The following SOD1 variants were observed in gnomAD, a reference collection of about 807,000 sequenced individuals.
The protein encoded by SOD1 is superoxide dismutase [Cu-Zn].
Under a neutral mutation model 15.9 loss-of-function variants are expected in SOD1, and 8 were observed. The observed-to-expected ratio is 0.50, with a 90% CI of 0.30 to 0.91. The LOEUF is 0.91. SOD1 is among the 40% of genes least tolerant of loss of function. SOD1 has a pLI of 0.07. For synonymous variants in SOD1, 86 were observed against 71.2 expected, an observed-to-expected ratio of 1.21 and a Z score of -1.04; for missense variants, 137 against 194.5, an observed-to-expected ratio of 0.70 and a Z score of 1.76.
Position 31,659,758 on chromosome 21 carries a change from G to A in SOD1, c.-12G>A. On this transcript the variant is annotated 5_prime_UTR_variant, in exon 1 of 5. Coordinates refer to ENST00000270142, the MANE Select transcript of SOD1 (RefSeq NM_000454.5). ...TCCTCGGAACCAGGACCTCGGCGTGGCCTAGCGAGTTATGGCGACGAAGGC... is the reference window on the plus strand; with the variant it reads ...TCCTCGGAACCAGGACCTCGGCGTGACCTAGCGAGTTATGGCGACGAAGGC... 6.2e-7 allele frequency: 1 copy of A among 1,613,830 alleles called. No individual in the cohort carries two copies. The highest frequency in any genetic ancestry group is 8.5e-7 in the Non-Finnish European group (1 of 1,179,848).
intron 3 of SOD1, 58 bp from the exon 4 acceptor site, chr21:31,667,200 A>G: frequency 7.5e-7 from 1 of 1,339,364 alleles, no homozygotes; most frequent in South Asian, 1.2e-5. Context: ...TAGCTCATGA[A>G]CTACCTTGAT....
intron 3 of SOD1, 74 bp downstream of exon 3, chr21:31,666,592 T>C (rs1419902553): frequency 1.8e-6 from 2 of 1,098,104 alleles, no homozygotes; most frequent in Non-Finnish European, 2.8e-6. Context: ...CTTGTAAATA[T>C]GTGCTAAGAT....
chr21:31,659,700 A>C lies in SOD1; in HGVS notation c.-70A>C. 6.6e-7 allele frequency: 1 copy of C among 1,507,720 alleles called. No homozygotes were observed. 93.4% of individuals were successfully genotyped at this position (1,507,720 alleles called of 1,614,324 possible). On this transcript the variant is annotated 5_prime_UTR_variant, in exon 1 of 5. Transcript: ENST00000270142. ...GAGACGGGGTGCTGGTTTGCGTCGT[A>C]GTCTCCTGCAGCGTCTGGGGTTTCC...
intron 1 of SOD1, among the ~76,000 whole-genome samples, chr21:31,662,395 A>AAAT (rs2049555573): frequency 6.6e-6 from 1 of 152,166 alleles, no homozygotes; most frequent in Non-Finnish European, 1.5e-5. Flanking sequence ...AATGCCCCTT[A>AAAT]ACTGTTGGCC....
chr21:31,667,060 A>G (rs2049599791), intron 3 of SOD1, 198 bp from the exon 4 acceptor site: 2 of 617,456 alleles, frequency 3.2e-6, no homozygotes, highest in South Asian at 3.7e-5. Flanking sequence ...GGTACTTCTG[A>G]AATCAGGTGC....
chr21:31,661,030 A>G (rs1406952639), intron 1 of SOD1, among the ~76,000 whole-genome samples: 3 of 152,242 alleles, frequency 2.0e-5, no homozygotes, highest in Non-Finnish European at 4.4e-5. Flanking sequence ...GTTGCAAGGA[A>G]GGTGCTTGTG....
Position 31,667,244 on chromosome 21 carries a change from T to C in SOD1, c.240-14T>C, listed in dbSNP as rs571699772. 11 of 1,597,836 alleles carry C rather than the reference T, an allele frequency of 6.9e-6. No homozygotes were observed. In the South Asian group the frequency reaches 1.2e-4, roughly 18 times the overall value. Reference sequence around the variant, plus strand: ...GCATCAGCCCTAATCCATCTGATGCTTTTTCATTATTAGGCATGTTGGAGA... The same window carrying C: ...GCATCAGCCCTAATCCATCTGATGCCTTTTCATTATTAGGCATGTTGGAGA... On this transcript the variant is annotated splice_polypyrimidine_tract_variant and intron_variant, in intron 3 of 4. Transcript: ENST00000270142.
At chr21:31,667,629 CAGA>C (rs1274932823) in intron 4 of SOD1, among the ~76,000 whole-genome samples, 2 of 152,198 alleles carry the variant, frequency 1.3e-5, no homozygotes, top group Non-Finnish European at 2.9e-5. Context: ...GTTTGGAAAA[CAGA>C]AGTAGTCTTT....
At chr21:31,661,932 A>G (rs146827826) in intron 1 of SOD1, among the ~76,000 whole-genome samples, 1 of 152,340 alleles carries the variant, frequency 6.6e-6, no homozygotes, top group South Asian at 2.1e-4. Flanking sequence ...ACTCTTTGCT[A>G]GTTTTTACAG....
At chr21:31,667,726 A>G (rs1246075203) in intron 4 of SOD1, among the ~76,000 whole-genome samples, 1 of 152,192 alleles carries the variant, frequency 6.6e-6, no homozygotes, top group African/African-American at 2.4e-5. Context: ...AAAACCTGGG[A>G]TGGACTTAAG....
At position 31,659,748 on chromosome 21, in the gene SOD1, C is replaced by T. The variant is rs1445779869; in HGVS notation, c.-22C>T. On this transcript the variant is annotated 5_prime_UTR_variant, in exon 1 of 5. Transcript: ENST00000270142. Reference sequence around the variant, plus strand: ...TCCGTTGCAGTCCTCGGAACCAGGACCTCGGCGTGGCCTAGCGAGTTATGG... The same window carrying T: ...TCCGTTGCAGTCCTCGGAACCAGGATCTCGGCGTGGCCTAGCGAGTTATGG... 1 of 1,613,754 alleles carries T rather than the reference C, an allele frequency of 6.2e-7. No individual in the cohort carries two copies. Among genetic ancestry groups the T allele is most frequent in the Admixed American group, 1.7e-5 (1 of 60,032 alleles).
chr21:31,667,411 T>C lies in SOD1; in HGVS notation c.357+36T>C, dbSNP rs2049605159. 7.5e-6 allele frequency: 10 copies of C among 1,338,104 alleles called. No homozygotes were observed. In the East Asian group the frequency reaches 2.3e-4, roughly 31 times the overall value. 82.9% of individuals were successfully genotyped at this position (1,338,104 alleles called of 1,614,324 possible). On this transcript the variant is annotated intron_variant, in intron 4 of 4. Coordinates refer to ENST00000270142, the MANE Select transcript of SOD1 (RefSeq NM_000454.5). ...ATAAAAGGATATGCATAAAACTTCT[T>C]CTAACATACAGTCATGTATCTTTTC...
chr21:31,661,333 C>T (rs2049546675), intron 1 of SOD1, among the ~76,000 whole-genome samples: 1 of 151,820 alleles, frequency 6.6e-6, no homozygotes, highest in Admixed American at 6.6e-5. Context: ...TCTTTTTGTC[C>T]CTCTTTACTT....
chr21:31,666,610 T>C (rs1472560002), intron 3 of SOD1, 92 bp downstream of exon 3: 3 of 987,174 alleles, frequency 3.0e-6, no homozygotes, highest in South Asian at 2.7e-5. Flanking sequence ...GATAATTCCG[T>C]GTTTCCCCCA....
At chr21:31,661,392 C>A (rs2049547264) in intron 1 of SOD1, among the ~76,000 whole-genome samples, 1 of 152,202 alleles carries the variant, frequency 6.6e-6, no homozygotes, top group African/African-American at 2.4e-5. Flanking sequence ...CAGACCAAGT[C>A]TCGCTCTGTC....
Position 31,659,838 on chromosome 21 carries a change from G to A in SOD1, c.69G>A (p.Gln23=). The A allele has an allele frequency of 6.2e-7, 1 of 1,613,348 alleles. No homozygotes were observed. Among genetic ancestry groups the A allele is most frequent in the South Asian group, 1.1e-5 (1 of 91,086 alleles). ...GPVQGIINFE[Q]KESNGPVKVW... ...TGCAGGGCATCATCAATTTCGAGCA[G>A]AAGGCAAGGGCTGGGACGGAGGCTT... is the stretch of plus-strand genomic sequence containing the variant. The change falls in exon 1 of 5, where the codon CAG becomes CAA. Residue 23 remains glutamine, a synonymous_variant. Transcript: ENST00000270142.
At position 31,659,832 on chromosome 21, in the gene SOD1, C is replaced by G. The variant is rs1555836170; in HGVS notation, c.63C>G (p.Phe21Leu). ...GDGPVQGIINFEQKESNGPVK... is the reference protein window; with the variant it reads ...GDGPVQGIINLEQKESNGPVK... ...GCCCAGTGCAGGGCATCATCAATTT[C>G]GAGCAGAAGGCAAGGGCTGGGACGG... The change falls in exon 1 of 5, where the codon TTC becomes TTG. Residue 21 changes from phenylalanine to leucine, a missense_variant. Transcript: ENST00000270142. 1 of 1,613,522 alleles carries G rather than the reference C, an allele frequency of 6.2e-7. No homozygotes were observed.
chr21:31,666,086 C>T (rs1190881039), intron 2 of SOD1, among the ~76,000 whole-genome samples: 1 of 151,862 alleles, frequency 6.6e-6, no homozygotes, highest in Non-Finnish European at 1.5e-5. Context: ...ATTCTCCTGC[C>T]TCAGCCTACT....
Position 31,667,386 on chromosome 21 carries a change from A to T in SOD1, c.357+11A>T. On this transcript the variant is annotated intron_variant, in intron 4 of 4. Coordinates refer to ENST00000270142, the MANE Select transcript of SOD1 (RefSeq NM_000454.5). ...GGCCGCACACTGGTGGTAAGTTTTCATAAAAGGATATGCATAAAACTTCTT... is the reference window on the plus strand; with the variant it reads ...GGCCGCACACTGGTGGTAAGTTTTCTTAAAAGGATATGCATAAAACTTCTT... 1.3e-6 allele frequency: 2 copies of T among 1,534,072 alleles called. No individual in the cohort carries two copies. The highest frequency in any genetic ancestry group is 1.8e-6 in the Non-Finnish European group (2 of 1,106,784).
Sources: gnomAD v4.1 joint callset for allele counts (sites outside exome capture counted in the v4.1 genomes callset) on GRCh38, gnomAD v4.1.1 for gene constraint, MANE v1.5 for transcripts, NCBI Gene and HGNC (gene_info 2026-07-23, HGNC 2026-07-21) for gene names.